Variants in CDH22 observed in about 807,000 individuals in gnomAD.
CDH22 encodes the protein cadherin 22.
Under a neutral mutation model 58.4 loss-of-function variants are expected in CDH22, and 30 were observed. The ratio of observed to expected loss-of-function variants is 0.51; its 90% confidence interval spans 0.38 to 0.70. The LOEUF (loss-of-function observed/expected upper bound fraction) is 0.70. Among genes scored for constraint, CDH22 ranks in the 30% least tolerant of loss-of-function variants. The pLI is 0.00. For synonymous variants in CDH22, 513 were observed against 558.2 expected (o/e 0.92, Z 1.14); for missense variants, 1,014 against 1,233.9 (o/e 0.82, Z 2.67).
intron 1 of CDH22, among the ~76,000 whole-genome samples, chr20:46,281,655 A>G (rs950052151): frequency 6.6e-6 from 1 of 152,224 alleles, no homozygotes; most frequent in Non-Finnish European, 1.5e-5. Flanking sequence ...CACAGAGTGC[A>G]TTATTTCGAA....
At chr20:46,238,714 C>T (rs1220421262) in intron 3 of CDH22, among the ~76,000 whole-genome samples, 2 of 152,250 alleles carry the variant, frequency 1.3e-5, no homozygotes, top group Non-Finnish European at 2.9e-5. Context: ...TTCAGCTCTA[C>T]TTCTAGGATA....
rs1438700309 is a variant in CDH22 at position 46,210,239 on chromosome 20, G to C, written c.1286+68C>G. On this transcript the variant is annotated intron_variant, in intron 7 of 11. Transcript: ENST00000537909. The surrounding 1 kb of genome is among the most constrained non-coding windows in gnomAD (Gnocchi z 4.5). ...GCCCCAGCCCTCCTCCCCTCTGCCCGCAGTCTGTCCGCGGGGGTGATGGCG... is the reference window on the plus strand; with the variant it reads ...GCCCCAGCCCTCCTCCCCTCTGCCCCCAGTCTGTCCGCGGGGGTGATGGCG... The C allele has an allele frequency of 7.5e-7, 1 of 1,338,456 alleles. No homozygotes were observed. The highest frequency in any genetic ancestry group is 9.6e-7 in the Non-Finnish European group (1 of 1,044,680). The allele number at this position is 1,338,456 out of a possible 1,614,324, so 82.9% of individuals were successfully genotyped here.
chr20:46,200,896 G>T (rs2085955850), intron 7 of CDH22, among the ~76,000 whole-genome samples: 1 of 152,180 alleles, frequency 6.6e-6, no homozygotes, highest in African/African-American at 2.4e-5. Flanking sequence ...AGGGACACGC[G>T]CTGGGCGAGT....
intron 1 of CDH22, among the ~76,000 whole-genome samples, chr20:46,293,054 G>C (rs2086611894): frequency 6.6e-6 from 1 of 152,078 alleles, no homozygotes; most frequent in South Asian, 2.1e-4. Flanking sequence ...GCACAGAGTA[G>C]ATGCTCAGTA....
intron 3 of CDH22, 71 bp downstream of exon 3, chr20:46,240,892 T>A: frequency 7.3e-7 from 1 of 1,369,128 alleles, no homozygotes; most frequent in Non-Finnish European, 1.0e-6. Flanking sequence ...GATCAGCTAC[T>A]CCCCTTCCCA....
chr20:46,199,652 G>C, intron 7 of CDH22, 93 bp from the exon 8 acceptor site: 1 of 1,453,720 alleles, frequency 6.9e-7, no homozygotes, highest in Non-Finnish European at 9.3e-7. Context: ...GAGAGGGACC[G>C]CCTGCCTTGG....
intron 3 of CDH22, among the ~76,000 whole-genome samples, chr20:46,230,424 C>T (rs146474432): frequency 1.4e-3 from 218 of 152,216 alleles, no homozygotes; most frequent in African/African-American, 5.1e-3. Context: ...GCCCACAAAA[C>T]TCCTGAAAAT....
intron 10 of CDH22, among the ~76,000 whole-genome samples, chr20:46,185,609 T>C (rs2085819591): frequency 6.6e-6 from 1 of 152,102 alleles, no homozygotes; most frequent in African/African-American, 2.4e-5. Context: ...GTCTCATGCC[T>C]ATAATCTCAG....
At chr20:46,240,297 C>A (rs905053430) in intron 3 of CDH22, among the ~76,000 whole-genome samples, 5 of 151,966 alleles carry the variant, frequency 3.3e-5, no homozygotes, top group Non-Finnish European at 7.4e-5. Context: ...GCACTATCTG[C>A]GTAAGGGCCT....
chr20:46,194,162 G>A (rs963038884), intron 8 of CDH22, among the ~76,000 whole-genome samples: 2 of 152,128 alleles, frequency 1.3e-5, no homozygotes, highest in Non-Finnish European at 2.9e-5. Flanking sequence ...CTGTCAATGG[G>A]TCTCTCCCCG....
intron 4 of CDH22, among the ~76,000 whole-genome samples, chr20:46,217,869 A>G (rs1244172296): frequency 6.6e-6 from 1 of 152,050 alleles, no homozygotes; most frequent in Non-Finnish European, 1.5e-5. Context: ...ACTCTCATAC[A>G]CACTGTAACA....
intron 4 of CDH22, among the ~76,000 whole-genome samples, 160 bp downstream of exon 4, chr20:46,227,348 C>T (rs1338412230): frequency 6.6e-6 from 1 of 152,200 alleles, no homozygotes; most frequent in Non-Finnish European, 1.5e-5. Context: ...CCTCCCTCTC[C>T]GCGACCCTGG....
At chr20:46,177,902 A>T (rs1399086859) in intron 11 of CDH22, 44 bp downstream of exon 11, 1 of 1,601,928 alleles carries the variant, frequency 6.2e-7, no homozygotes, top group African/African-American at 1.3e-5. Context: ...GGACGCCAGG[A>T]TGGGGCCAAT....
At chr20:46,187,082 A>T in intron 8 of CDH22, 135 bp from the exon 9 acceptor site, 1 of 835,702 alleles carries the variant, frequency 1.2e-6, no homozygotes, top group East Asian at 2.6e-5. Context: ...TGGTACAAGG[A>T]CCAGAACTGG....
Position 46,210,439 on chromosome 20 carries a change from A to G in CDH22, c.1154T>C (p.Val385Ala). Residue 385 changes from valine to alanine, a missense_variant, in exon 7 of 12, where the codon GTG becomes GCG. Transcript: ENST00000537909. The surrounding 1 kb of genome is among the most constrained non-coding windows in gnomAD (Gnocchi z 4.5). ...FRDQAIVRVA[V>A]TDVDEPPEFR... is the part of the protein sequence containing the mutation. ...CTCGGGGGGCTCGTCCACGTCGGTC[A>G]CGGCCACGCGCACGATCGCCTGGTC... is the stretch of plus-strand genomic sequence containing the variant. 6.9e-7 allele frequency: 1 copy of G among 1,449,568 alleles called. No homozygotes were observed. The highest frequency in any genetic ancestry group is 9.1e-7 in the Non-Finnish European group (1 of 1,100,238). 89.8% of individuals were successfully genotyped at this position (1,449,568 alleles called of 1,614,324 possible).
chr20:46,189,947 A>T (rs2085851958), intron 8 of CDH22, among the ~76,000 whole-genome samples: 1 of 142,710 alleles, frequency 7.0e-6, no homozygotes, highest in South Asian at 2.3e-4. Flanking sequence ...TTGGTCAGTG[A>T]TTTTTTTTTT....
chr20:46,299,935 C>G (rs1178703422), intron 1 of CDH22, among the ~76,000 whole-genome samples: 2 of 152,154 alleles, frequency 1.3e-5, no homozygotes, highest in African/African-American at 4.8e-5. Context: ...AAGGCTCATT[C>G]TGACCTCCCA....
chr20:46,261,540 G>A (rs1041591858), intron 1 of CDH22, among the ~76,000 whole-genome samples: 1 of 152,206 alleles, frequency 6.6e-6, no homozygotes, highest in African/African-American at 2.4e-5. Context: ...TCATTCATCT[G>A]TTCATTCCTT....
At chr20:46,252,875 C>T (rs1015661604) in intron 1 of CDH22, among the ~76,000 whole-genome samples, 1 of 152,108 alleles carries the variant, frequency 6.6e-6, no homozygotes, top group Non-Finnish European at 1.5e-5. Flanking sequence ...GGACTGAGCT[C>T]GGGTGTTTGG....
Sources: allele counts gnomAD v4.1 joint callset (sites outside exome capture counted in the v4.1 genomes callset), GRCh38; gene constraint gnomAD v4.1.1; non-coding constraint Gnocchi (gnomAD v3.1); transcripts MANE v1.5; gene names NCBI Gene and HGNC (gene_info 2026-07-23, HGNC 2026-07-21).